The following XKR4 variants were observed in gnomAD, a reference collection of about 807,000 sequenced individuals.
XKR4 encodes XK related 4.
A neutral mutation model predicts 53.9 loss-of-function variants in XKR4; 12 were observed. The ratio of observed to expected loss-of-function variants is 0.22; its 90% confidence interval spans 0.14 to 0.36. The LOEUF (loss-of-function observed/expected upper bound fraction) is 0.36, where lower values mean the gene tolerates loss of function less well. Among genes scored for constraint, XKR4 ranks in the 10% least tolerant of loss-of-function variants. XKR4 has a pLI of 1.00. For missense variants in XKR4, 799 were observed against 859.5 expected, an observed-to-expected ratio of 0.93 and a Z score of 0.88; for synonymous variants, 354 against 362.4, an observed-to-expected ratio of 0.98 and a Z score of 0.26.
At chr8:55,241,540 G>A (rs1490837795) in intron 1 of XKR4, among the ~76,000 whole-genome samples, 3 of 152,162 alleles carry the variant, frequency 2.0e-5, no homozygotes, top group African/African-American at 4.8e-5. Flanking sequence ...AGCCTTCAGT[G>A]TACCTGGCAC....
At chr8:55,246,545 A>C (rs1818287766) in intron 1 of XKR4, among the ~76,000 whole-genome samples, 1 of 152,194 alleles carries the variant, frequency 6.6e-6, no homozygotes, top group African/African-American at 2.4e-5. Flanking sequence ...CCTCATTCTA[A>C]GCCCTTGAAA....
intron 1 of XKR4, among the ~76,000 whole-genome samples, chr8:55,321,196 C>T (rs186002880): frequency 6.6e-6 from 1 of 152,290 alleles, no homozygotes; most frequent in East Asian, 1.9e-4. Flanking sequence ...TTCTATTTTG[C>T]AGATTCGAGT....
chr8:55,157,812 A>G (rs62516994), intron 1 of XKR4, among the ~76,000 whole-genome samples: 27,117 of 152,214 alleles, frequency 0.18, 2,915 homozygotes, highest in East Asian at 0.25. Flanking sequence ...GCATAGGATA[A>G]TGGCCTCTAG....
chr8:55,449,989 C>T (rs1443714368), intron 2 of XKR4: 1 of 817,766 alleles, frequency 1.2e-6, no homozygotes, highest in African/African-American at 1.7e-5. Flanking sequence ...CAGGTACATA[C>T]CCAGCGAGCA....
At chr8:55,463,461 G>A (rs1049473980) in intron 2 of XKR4, among the ~76,000 whole-genome samples, 81 of 151,448 alleles carry the variant, frequency 5.3e-4, no homozygotes, top group African/African-American at 1.9e-3. Flanking sequence ...GAATCTCTGG[G>A]ACACATTCAA....
intron 2 of XKR4, among the ~76,000 whole-genome samples, chr8:55,373,754 A>T (rs778808560): frequency 6.6e-6 from 1 of 152,228 alleles, no homozygotes; most frequent in African/African-American, 2.4e-5. Flanking sequence ...ACTTTGTCAC[A>T]TCTTTTTAAA....
At chr8:55,157,131 GTC>G in intron 1 of XKR4, among the ~76,000 whole-genome samples, 1 of 152,262 alleles carries the variant, frequency 6.6e-6, no homozygotes, top group Admixed American at 6.5e-5. Flanking sequence ...CCACCTACAT[GTC>G]TGACTTAAGG....
At chr8:55,216,466 G>T (rs918434218) in intron 1 of XKR4, among the ~76,000 whole-genome samples, 2 of 152,124 alleles carry the variant, frequency 1.3e-5, no homozygotes, top group African/African-American at 4.8e-5. Flanking sequence ...GGTGGCTCAC[G>T]CCTGTAATCC....
chr8:55,160,011 T>G (rs185049360), intron 1 of XKR4, among the ~76,000 whole-genome samples: 1 of 152,170 alleles, frequency 6.6e-6, no homozygotes. Context: ...AAGAAAAGAA[T>G]GTAGAAAAGA....
chr8:55,468,407 A>G (rs1805813937), intron 2 of XKR4, among the ~76,000 whole-genome samples: 1 of 152,074 alleles, frequency 6.6e-6, no homozygotes, highest in Non-Finnish European at 1.5e-5. Context: ...TTTAGTTTTA[A>G]TCTTGAGTTT....
At chr8:55,273,065 T>A (rs1260209277) in intron 1 of XKR4, among the ~76,000 whole-genome samples, 1 of 152,124 alleles carries the variant, frequency 6.6e-6, no homozygotes, top group African/African-American at 2.4e-5. Context: ...CATTACAAGA[T>A]CTGTTAGCTT....
chr8:55,373,514 G>C (rs559452661), intron 2 of XKR4, among the ~76,000 whole-genome samples: 4 of 152,062 alleles, frequency 2.6e-5, no homozygotes, highest in Non-Finnish European at 2.9e-5. Flanking sequence ...CGGTTCAAAT[G>C]CTTGGGCAAT....
intron 2 of XKR4, among the ~76,000 whole-genome samples, chr8:55,499,217 T>C (rs547936604): frequency 1.3e-5 from 2 of 152,336 alleles, no homozygotes; most frequent in South Asian, 2.1e-4. Context: ...CAGGCTATGC[T>C]AAGATAATGT....
chr8:55,429,949 C>T (rs1258893017), intron 2 of XKR4, among the ~76,000 whole-genome samples: 2 of 151,944 alleles, frequency 1.3e-5, no homozygotes, highest in Admixed American at 6.6e-5. Context: ...ATAAAAAAAC[C>T]CAAATAATCT....
intron 1 of XKR4, among the ~76,000 whole-genome samples, chr8:55,322,771 C>G (rs1212709413): frequency 1.3e-5 from 2 of 151,948 alleles, no homozygotes; most frequent in African/African-American, 4.8e-5. Context: ...TATTTTTGTT[C>G]ATTGATTTTG....
At chr8:55,504,458 G>A (rs964626709) in intron 2 of XKR4, among the ~76,000 whole-genome samples, 2 of 151,430 alleles carry the variant, frequency 1.3e-5, no homozygotes, top group African/African-American at 2.4e-5. Context: ...CAGGCAATCT[G>A]CCCACCTCAG....
At chr8:55,465,870 A>T (rs1805759247) in intron 2 of XKR4, among the ~76,000 whole-genome samples, 1 of 152,196 alleles carries the variant, frequency 6.6e-6, no homozygotes, top group South Asian at 2.1e-4. Flanking sequence ...TATGCAGCCA[A>T]AAGACACATG....
chr8:55,357,921 C>A, intron 2 of XKR4, 44 bp downstream of exon 2: 1 of 1,572,920 alleles, frequency 6.4e-7, no homozygotes, highest in Non-Finnish European at 8.7e-7. Flanking sequence ...GAAAGATTGA[C>A]TGGCTACTTT....
intron 1 of XKR4, among the ~76,000 whole-genome samples, chr8:55,182,230 C>T (rs536436195): frequency 6.6e-6 from 1 of 152,218 alleles, no homozygotes; most frequent in African/African-American, 2.4e-5. Flanking sequence ...ATTCCCATAA[C>T]ATTCTCTTTC....
Sources: gnomAD v4.1 joint callset for allele counts (sites outside exome capture counted in the v4.1 genomes callset) on GRCh38, gnomAD v4.1.1 for gene constraint, MANE v1.5 for transcripts, NCBI Gene and HGNC (gene_info 2026-07-23, HGNC 2026-07-21) for gene names.